Variants in NAV3 observed in about 807,000 individuals in gnomAD.
The protein encoded by NAV3 is neuron navigator 3, also known as pore membrane and/or filament interacting like protein 1.
Under a neutral mutation model 244.7 loss-of-function variants are expected in NAV3, and 87 were observed. That is an observed-to-expected ratio of 0.36 (90% CI 0.30 to 0.42). NAV3 has a LOEUF of 0.42. Ranked by LOEUF, NAV3 falls within the 20% of genes least tolerant of loss-of-function variation. The pLI is 1.00. For missense variants in NAV3, 2,663 were observed against 2,893.3 expected (o/e 0.92, Z 1.83); for synonymous variants, 1,126 against 1,042.2 (o/e 1.08, Z -1.55).
At chr12:77,881,080 G>C (rs564956533) in intron 1 of NAV3, among the ~76,000 whole-genome samples, 1 of 152,276 alleles carries the variant, frequency 6.6e-6, no homozygotes, top group South Asian at 2.1e-4. Context: ...TGAGTAGCTA[G>C]CCCAGCATGA....
At chr12:77,897,629 C>T (rs1461780444) in intron 1 of NAV3, among the ~76,000 whole-genome samples, 2 of 151,610 alleles carry the variant, frequency 1.3e-5, no homozygotes, top group Non-Finnish European at 2.9e-5. Flanking sequence ...CCCTCTTTGA[C>T]TTATTTCTCC....
intron 19 of NAV3, 89 bp from the exon 20 acceptor site, chr12:78,140,193 A>G: frequency 1.9e-6 from 2 of 1,058,226 alleles, no homozygotes; most frequent in Non-Finnish European, 1.4e-6. Flanking sequence ...AATTTCCCTA[A>G]CCACCCGTTC....
At chr12:78,200,719 C>A (rs571249875) in intron 38 of NAV3, 128 bp downstream of exon 38, 8 of 446,520 alleles carry the variant, frequency 1.8e-5, no homozygotes, top group Non-Finnish European at 3.1e-5. Context: ...ATGAATAGAG[C>A]AATAAGGTTT....
chr12:78,017,877 G>A (rs1365276814), intron 8 of NAV3, among the ~76,000 whole-genome samples: 2 of 152,074 alleles, frequency 1.3e-5, no homozygotes, highest in Non-Finnish European at 2.9e-5. Flanking sequence ...TTTACCAGTT[G>A]GCATTGATTG....
intron 2 of NAV3, among the ~76,000 whole-genome samples, chr12:77,629,908 G>T (rs1871810387): frequency 1.3e-5 from 2 of 152,084 alleles, no homozygotes; most frequent in South Asian, 4.1e-4. Context: ...ATAGGGTACT[G>T]CAAACAAATA....
chr12:77,573,270 G>A (rs1401920922), intron 2 of NAV3, among the ~76,000 whole-genome samples: 1 of 152,172 alleles, frequency 6.6e-6, no homozygotes, highest in East Asian at 1.9e-4. Context: ...GGTAAGTTTA[G>A]AAGAGGCTGT....
rs757221734 is a variant in NAV3, at chr12:78,122,113, G to C, written c.3923G>C (p.Ser1308Thr). The C allele has an allele frequency of 6.2e-7, 1 of 1,614,152 alleles. No individual in the cohort carries two copies. ...AGTGCTGGTGGGCTAAGCGGCAGCA[G>C]CAGCCCTCTCTTCAATAAACCCTCA... ...MGSAGGLSGSSSPLFNKPSDL... is the reference protein window; with the variant it reads ...MGSAGGLSGSTSPLFNKPSDL... Residue 1308 changes from serine (S) to threonine (T), a missense_variant, in exon 16 of 40, where the codon AGC becomes ACC. This residue lies in a region of NAV3 where 354 missense variants were observed against 413.0 expected (regional missense o/e 0.86). Coordinates refer to ENST00000397909, the MANE Select transcript of NAV3 (RefSeq NM_001024383.2).
At chr12:78,096,544 G>GA (rs1954260264) in intron 12 of NAV3, among the ~76,000 whole-genome samples, 24 of 152,132 alleles carry the variant, frequency 1.6e-4, no homozygotes. Flanking sequence ...CACAATCATG[G>GA]CGAAAGACTA....
At chr12:78,098,260 A>G (rs1027505957) in intron 12 of NAV3, among the ~76,000 whole-genome samples, 6 of 152,042 alleles carry the variant, frequency 3.9e-5, no homozygotes, top group Non-Finnish European at 8.8e-5. Context: ...ATTTAAATAT[A>G]AAAATGTTTT....
chr12:77,928,992 G>T (rs1027801377), intron 1 of NAV3, among the ~76,000 whole-genome samples: 1 of 152,164 alleles, frequency 6.6e-6, no homozygotes, highest in Non-Finnish European at 1.5e-5. Flanking sequence ...TTGTCCATCT[G>T]GCTTTATGGT....
At chr12:78,005,926 T>A (rs533243294) in intron 7 of NAV3, among the ~76,000 whole-genome samples, 3 of 152,182 alleles carry the variant, frequency 2.0e-5, no homozygotes, top group Non-Finnish European at 4.4e-5. Context: ...CTTTTTTTTT[T>A]GAGAGAGAGT....
chr12:77,909,655 T>C (rs936912040), intron 1 of NAV3, among the ~76,000 whole-genome samples: 2 of 152,082 alleles, frequency 1.3e-5, no homozygotes, highest in Non-Finnish European at 2.9e-5. Context: ...TTGCCCATTA[T>C]CTTATAAGAT....
In NAV3 at chr12:77,892,508, T is replaced by C. The variant is rs374809628; in HGVS notation, c.244-47811T>C. Among the ~76,000 whole-genome samples, 13 of 152,082 alleles carry C rather than the reference T, an allele frequency of 8.5e-5. No homozygotes were observed. The East Asian group carries it at 1.4e-3, about 16-fold the overall frequency. ...TCAGCTCACTGCAGTCTCCGCCTCC[T>C]GTGTTCAAGCAATTCTCCTGCCTCA... On this transcript the variant is annotated intron_variant, in intron 1 of 39. Coordinates refer to ENST00000397909, the MANE Select transcript of NAV3 (RefSeq NM_001024383.2).
At chr12:77,909,326 G>A (rs1886333783) in intron 1 of NAV3, among the ~76,000 whole-genome samples, 1 of 151,866 alleles carries the variant, frequency 6.6e-6, no homozygotes, top group African/African-American at 2.4e-5. Flanking sequence ...GTTCAATTTG[G>A]GGAGAGCTTT....
chr12:78,158,336 C>T lies in NAV3; in HGVS notation c.4786-867C>T, dbSNP rs114399669. ...ATGTACTTGCAGTTCTACCTCAGGC[C>T]GTGGTGAGAGATTGAAGTGCCTCTT... On this transcript the variant is annotated intron_variant, in intron 22 of 39. Transcript: ENST00000397909. 3.9e-3 allele frequency among the ~76,000 whole-genome samples: 594 copies of T among 152,120 alleles called. 3 individuals are homozygous for T. The highest frequency in any genetic ancestry group is 0.013 in the African/African-American group (552 of 41,514).
intron 12 of NAV3, among the ~76,000 whole-genome samples, chr12:78,112,791 C>A (rs1377169397): frequency 2.6e-5 from 4 of 152,144 alleles, no homozygotes; most frequent in Admixed American, 2.0e-4. Flanking sequence ...TCATGCCCTT[C>A]CAACAGTCCC....
At chr12:77,766,682 C>T (rs11106625) in intron 2 of NAV3, among the ~76,000 whole-genome samples, 1 of 141,058 alleles carries the variant, frequency 7.1e-6, no homozygotes, top group African/African-American at 2.6e-5. Flanking sequence ...CAAATCATAT[C>T]TAGGGTTTGG....
At chr12:78,003,455 GC>G (rs1174508236) in intron 7 of NAV3, among the ~76,000 whole-genome samples, 4 of 152,170 alleles carry the variant, frequency 2.6e-5, no homozygotes, top group Admixed American at 6.5e-5. Context: ...AATGAATGGT[GC>G]TTTTGTCATC....
rs145185885 is a variant in NAV3 at position 78,133,547 on chromosome 12, ATTCT to A, written c.4442-3625_4442-3622del. On this transcript the variant is annotated intron_variant, in intron 18 of 39. Coordinates refer to ENST00000397909, the MANE Select transcript of NAV3 (RefSeq NM_001024383.2). ...AAGTTGCAGTATTCATGTTTTCTTTATTCTTTCTACCAATTAAAATGTGTTAATA... is the reference window on the plus strand; with the variant it reads ...AAGTTGCAGTATTCATGTTTTCTTTATTCTACCAATTAAAATGTGTTAATA... 4.1e-3 allele frequency among the ~76,000 whole-genome samples: 616 copies of A among 151,852 alleles called. 3 individuals carry two copies. The highest frequency in any genetic ancestry group is 0.014 in the African/African-American group (578 of 41,496).
Sources: allele counts gnomAD v4.1 joint callset (sites outside exome capture counted in the v4.1 genomes callset), GRCh38; gene constraint gnomAD v4.1.1; regional missense constraint gnomAD v4.1.1; transcripts MANE v1.5; gene names NCBI Gene and HGNC (gene_info 2026-07-23, HGNC 2026-07-21).